Variants in MINDY2 observed in about 807,000 individuals in gnomAD.
MINDY2 encodes the protein MINDY lysine 48 deubiquitinase 2.
Under a neutral mutation model 68.2 loss-of-function variants are expected in MINDY2, and 52 were observed. The observed-to-expected ratio is 0.76, with a 90% CI of 0.61 to 0.96. The LOEUF is 0.96. Among genes scored for constraint, MINDY2 ranks in the 40% least tolerant of loss-of-function variants. The probability of loss-of-function intolerance (pLI) is 0.00; values close to 1 mark genes in which losing one functional copy is unlikely to be tolerated. For missense variants in MINDY2, 881 were observed against 773.4 expected (o/e 1.14, Z -1.65); for synonymous variants, 372 against 303.0 (o/e 1.23, Z -2.36).
At chr15:58,831,437 CT>C (rs2031722666) in intron 5 of MINDY2, among the ~76,000 whole-genome samples, 1 of 152,098 alleles carries the variant, frequency 6.6e-6, no homozygotes, top group Non-Finnish European at 1.5e-5. Flanking sequence ...TGACACCTGT[CT>C]TTTTACTTGC....
At chr15:58,811,632 C>T (rs1262451377) in intron 4 of MINDY2, among the ~76,000 whole-genome samples, 12 of 152,176 alleles carry the variant, frequency 7.9e-5, no homozygotes, top group Admixed American at 6.5e-4. Context: ...GGAATACTAC[C>T]CCCAAGCTAT....
chr15:58,845,960 C>T (rs1275547507), intron 6 of MINDY2, among the ~76,000 whole-genome samples: 20 of 152,072 alleles, frequency 1.3e-4, no homozygotes, highest in African/African-American at 3.9e-4. Flanking sequence ...AGACACACTT[C>T]GCATGTTCTT....
At chr15:58,804,301 CATG>C (rs1426177912) in intron 3 of MINDY2, among the ~76,000 whole-genome samples, 8 of 152,104 alleles carry the variant, frequency 5.3e-5, no homozygotes, top group Non-Finnish European at 7.4e-5. Context: ...AAAACCAGTA[CATG>C]ATAAGTATAA....
chr15:58,843,121 TAG>T (rs2032359044), intron 6 of MINDY2, among the ~76,000 whole-genome samples: 1 of 152,166 alleles, frequency 6.6e-6, no homozygotes, highest in African/African-American at 2.4e-5. Flanking sequence ...AACTAAAGTC[TAG>T]AGATGTTAAG....
intron 1 of MINDY2, among the ~76,000 whole-genome samples, chr15:58,775,859 ATTTTTTT>A (rs544164455): frequency 7.2e-6 from 1 of 139,580 alleles, no homozygotes; most frequent in African/African-American, 2.7e-5. Context: ...AAGAGGCTAA[ATTTTTTT>A]TTTTTTTTTT....
Position 58,773,855 on chromosome 15 carries a change from T to A in MINDY2, c.840+1620T>A, listed in dbSNP as rs185586244. The stretch of plus-strand genomic sequence containing the variant: ...TGGATATTGTGTGTTTATATGTTTA[T>A]TACATGACAGAAGTGGTAAGCTAAT... On this transcript the variant is annotated intron_variant, in intron 1 of 8. Coordinates refer to ENST00000559228, the MANE Select transcript of MINDY2 (RefSeq NM_001040450.3). Among the ~76,000 whole-genome samples, 108 of 152,294 alleles carry A rather than the reference T, an allele frequency of 7.1e-4. 1 individual carries two copies. In the East Asian group the frequency reaches 0.017, roughly 23 times the overall value.
intron 1 of MINDY2, among the ~76,000 whole-genome samples, chr15:58,781,400 T>G (rs895001259): frequency 1.3e-5 from 2 of 152,164 alleles, no homozygotes; most frequent in Admixed American, 6.6e-5. Context: ...ACATTCTTTA[T>G]TGCTCTAAAA....
In MINDY2 at chr15:58,861,047, C is replaced by T. The variant is rs2033205848; in HGVS notation, c.*6437C>T. 1.3e-5 allele frequency: 2 copies of T among 152,248 alleles called. No individual in the cohort carries two copies. Among genetic ancestry groups the T allele is most frequent in the South Asian group, 4.1e-4 (2 of 4,820 alleles). The allele number at this position is 152,248 out of a possible 1,614,324, so 9.4% of individuals were successfully genotyped here. A position where few individuals can be genotyped will look rare whatever the true frequency, so the allele number is the denominator to read the frequency against. On this transcript the variant is annotated 3_prime_UTR_variant, in exon 9 of 9. Transcript: ENST00000559228. ...CTACAAAACAGTCAGCAAAAGGAAT[C>T]ATGTTTGCTTGTGAAACTTCAGAGG...
intron 6 of MINDY2, among the ~76,000 whole-genome samples, chr15:58,837,057 C>G (rs1318626983): frequency 1.3e-5 from 2 of 152,110 alleles, no homozygotes; most frequent in Non-Finnish European, 2.9e-5. Flanking sequence ...TTTTAAAATA[C>G]TAAATGAATG....
intron 4 of MINDY2, among the ~76,000 whole-genome samples, chr15:58,818,398 G>T (rs904314137): frequency 6.6e-6 from 1 of 152,054 alleles, no homozygotes; most frequent in African/African-American, 2.4e-5. Context: ...TGGGACTATA[G>T]GCACACACTC....
At chr15:58,801,945 T>A (rs1420566382) in intron 2 of MINDY2, among the ~76,000 whole-genome samples, 1 of 152,228 alleles carries the variant, frequency 6.6e-6, no homozygotes, top group African/African-American at 2.4e-5. Flanking sequence ...TTTTTACTTC[T>A]CAGTGTTGCA....
At chr15:58,841,963 C>T (rs1357758282) in intron 6 of MINDY2, among the ~76,000 whole-genome samples, 1 of 151,928 alleles carries the variant, frequency 6.6e-6, no homozygotes, top group Non-Finnish European at 1.5e-5. Context: ...AATTCTATAT[C>T]CTAGATCTAG....
chr15:58,777,020 G>A (rs1045321647), intron 1 of MINDY2, among the ~76,000 whole-genome samples: 3 of 152,202 alleles, frequency 2.0e-5, no homozygotes, highest in Admixed American at 2.0e-4. Context: ...TGTGAGAAAA[G>A]CATATTGCAT....
chr15:58,788,634 T>C (rs1356558752), intron 2 of MINDY2, among the ~76,000 whole-genome samples: 2 of 152,228 alleles, frequency 1.3e-5, no homozygotes, highest in Non-Finnish European at 2.9e-5. Flanking sequence ...CCTTTTATAA[T>C]CTGACAAATA....
intron 1 of MINDY2, among the ~76,000 whole-genome samples, chr15:58,787,520 A>C (rs1901587457): frequency 6.6e-6 from 1 of 151,860 alleles, no homozygotes; most frequent in Non-Finnish European, 1.5e-5. Flanking sequence ...GGTGGATCAG[A>C]AGGTTAGGAG....
intron 6 of MINDY2, among the ~76,000 whole-genome samples, chr15:58,835,349 T>G (rs2031940892): frequency 6.6e-6 from 1 of 152,142 alleles, no homozygotes; most frequent in Admixed American, 6.6e-5. Flanking sequence ...TTTAAGAAGG[T>G]CACATTTAAA....
chr15:58,771,610 C>A lies in MINDY2; in HGVS notation c.215C>A (p.Ser72Tyr). ...SLPDSASPAG[S>Y]PEVPGPCSSS... ...CCGGACTCGGCTTCTCCCGCGGGCT[C>A]TCCTGAGGTTCCCGGACCCTGCAGC... is the stretch of plus-strand genomic sequence containing the variant. Residue 72 changes from serine to tyrosine, a missense_variant, in exon 1 of 9, where the codon TCT (serine) becomes TAT (tyrosine). Ser to Tyr is a moderately radical substitution (Grantham distance 144). Coordinates refer to ENST00000559228, the MANE Select transcript of MINDY2 (RefSeq NM_001040450.3). 1 of 1,612,076 alleles carries A rather than the reference C, an allele frequency of 6.2e-7. No individual in the cohort carries two copies. Among genetic ancestry groups the A allele is most frequent in the Non-Finnish European group, 8.5e-7 (1 of 1,179,812 alleles).
In MINDY2 at chr15:58,857,049, A is replaced by G. The variant is rs1176832743; in HGVS notation, c.*2439A>G. ...CAATGTATACTTACAAGGAAAAACT[A>G]AAAAATGTAATGTGTTAATTCAGCC... On this transcript the variant is annotated 3_prime_UTR_variant, in exon 9 of 9. Coordinates refer to ENST00000559228, the MANE Select transcript of MINDY2 (RefSeq NM_001040450.3). 1 of 152,220 alleles carries G rather than the reference A, an allele frequency of 6.6e-6. No homozygotes were observed. Among genetic ancestry groups the G allele is most frequent in the Non-Finnish European group, 1.5e-5 (1 of 68,042 alleles). 9.4% of individuals were successfully genotyped at this position (152,220 alleles called of 1,614,324 possible). A position where few individuals can be genotyped will look rare whatever the true frequency, so the allele number is the denominator to read the frequency against.
At chr15:58,786,340 C>T (rs1287730594) in intron 1 of MINDY2, among the ~76,000 whole-genome samples, 2 of 152,188 alleles carry the variant, frequency 1.3e-5, no homozygotes, top group Non-Finnish European at 2.9e-5. Context: ...TCTTCTATCA[C>T]TGATATAGTA....
Sources: allele counts gnomAD v4.1 joint callset (sites outside exome capture counted in the v4.1 genomes callset), GRCh38; gene constraint gnomAD v4.1.1; transcripts MANE v1.5; gene names NCBI Gene and HGNC (gene_info 2026-07-23, HGNC 2026-07-21).